NEMP2: variants seen among roughly 807,000 people sequenced by gnomAD.
NEMP2 encodes nuclear envelope integral membrane protein 2, also known as UPF0571 transmembrane protein.
In NEMP2, 53 loss-of-function variants were observed where a neutral mutation model predicts 54.2. The ratio of observed to expected loss-of-function variants is 0.98; its 90% confidence interval spans 0.78 to 1.23. NEMP2 has a LOEUF of 1.23. Ranked by LOEUF, NEMP2 falls within the 50% of genes most tolerant of loss-of-function variation. The pLI, the probability that NEMP2 is intolerant of heterozygous loss-of-function variation, is 0.00. For synonymous variants in NEMP2, 197 were observed against 190.3 expected (o/e 1.04, Z -0.29); for missense variants, 455 against 511.3 (o/e 0.89, Z 1.06).
At chr2:190,570,411 TA>T in the NEMP2 span, among the ~76,000 whole-genome samples, 8 of 152,206 alleles carry the variant, frequency 5.3e-5, no homozygotes, top group Admixed American at 5.2e-4. The surrounding 1 kb of genome is among the most constrained non-coding windows in gnomAD (Gnocchi z 5.4). Flanking sequence ...TTCCTTCCTG[TA>T]AAAAGAACTC....
the NEMP2 span, among the ~76,000 whole-genome samples, chr2:190,604,145 C>G: frequency 6.6e-6 from 1 of 152,176 alleles, no homozygotes. The surrounding 1 kb of genome is among the most constrained non-coding windows in gnomAD (Gnocchi z 4.5). Context: ...TCGATAGGTG[C>G]CTCCTTCCTT....
the NEMP2 span, among the ~76,000 whole-genome samples, chr2:190,481,166 C>T: frequency 6.6e-6 from 1 of 152,204 alleles, no homozygotes; most frequent in Non-Finnish European, 1.5e-5. Context: ...ACATTAAACT[C>T]CCTGGGTTTT....
Position 190,523,652 on chromosome 2 carries a change from C to T in NEMP2, c.213+1611G>A, listed in dbSNP as rs781495212. 5.9e-5 allele frequency among the ~76,000 whole-genome samples: 9 copies of T among 152,132 alleles called. No individual in the cohort carries two copies. The highest frequency in any genetic ancestry group is 1.2e-4 in the Non-Finnish European group (8 of 68,036). On this transcript the variant is annotated intron_variant, in intron 2 of 8. Coordinates refer to ENST00000409150, the MANE Select transcript of NEMP2 (RefSeq NM_001142645.2). This position sits in a 1 kb window ranked among gnomAD's most constrained non-coding sequence, Gnocchi z 5.3. ...CCAGAGCTAAGTCTATGAAATTACA[C>T]ACGCCTAGAACATCTTGTTTGTTAG... is the stretch of plus-strand genomic sequence containing the variant.
chr2:190,596,685 A>G, the NEMP2 span, among the ~76,000 whole-genome samples: 1 of 152,308 alleles, frequency 6.6e-6, no homozygotes, highest in South Asian at 2.1e-4. The surrounding 1 kb of genome is among the most constrained non-coding windows in gnomAD (Gnocchi z 5.1). Context: ...ATTGGAAGGA[A>G]ACTATCAAGA....
the NEMP2 span, among the ~76,000 whole-genome samples, chr2:190,637,285 G>A: frequency 6.6e-6 from 1 of 152,158 alleles, no homozygotes; most frequent in South Asian, 2.1e-4. This position sits in a 1 kb window ranked among gnomAD's most constrained non-coding sequence, Gnocchi z 4.5. Flanking sequence ...CACTTCAGAA[G>A]CCCCCTTGTT....
the NEMP2 span, among the ~76,000 whole-genome samples, chr2:190,476,867 T>C: frequency 6.6e-6 from 1 of 152,050 alleles, no homozygotes; most frequent in Non-Finnish European, 1.5e-5. Context: ...TGGAGTACTA[T>C]GCAGCCATAA....
At chr2:190,534,526 A>T in intron 1 of NEMP2, 33 bp downstream of exon 1, 1 of 1,375,930 alleles carries the variant, frequency 7.3e-7, no homozygotes, top group Non-Finnish European at 9.3e-7. Flanking sequence ...GCGAGCACGC[A>T]CGCGCGCGCC....
At chr2:190,430,955 G>C in the NEMP2 span, among the ~76,000 whole-genome samples, 1 of 149,424 alleles carries the variant, frequency 6.7e-6, no homozygotes, top group African/African-American at 2.5e-5. Context: ...AGACGGGGCG[G>C]CTGCTGGGTG....
At chr2:190,439,220 A>T in the NEMP2 span, among the ~76,000 whole-genome samples, 1 of 151,962 alleles carries the variant, frequency 6.6e-6, no homozygotes, top group Non-Finnish European at 1.5e-5. This position sits in a 1 kb window ranked among gnomAD's most constrained non-coding sequence, Gnocchi z 5.8. Flanking sequence ...AATCACTGTT[A>T]TTCATTCCCA....
At chr2:190,639,274 G>C in the NEMP2 span, among the ~76,000 whole-genome samples, 1 of 151,986 alleles carries the variant, frequency 6.6e-6, no homozygotes, top group Non-Finnish European at 1.5e-5. Context: ...TATGCCTTGA[G>C]GGTCTACCAT....
At chr2:190,561,336 A>C in the NEMP2 span, among the ~76,000 whole-genome samples, 5 of 152,316 alleles carry the variant, frequency 3.3e-5, no homozygotes, top group East Asian at 3.9e-4. This position sits in a 1 kb window ranked among gnomAD's most constrained non-coding sequence, Gnocchi z 5.4. Flanking sequence ...AACTATGTGT[A>C]TTGGCCTGCT....
the NEMP2 span, among the ~76,000 whole-genome samples, chr2:190,474,392 C>T: frequency 1.3e-4 from 20 of 152,180 alleles, no homozygotes; most frequent in East Asian, 1.3e-3. Context: ...ATATCACCAC[C>T]GATCCCACAG....
At chr2:190,468,399 T>A in the NEMP2 span, among the ~76,000 whole-genome samples, 1 of 152,146 alleles carries the variant, frequency 6.6e-6, no homozygotes, top group Non-Finnish European at 1.5e-5. Flanking sequence ...TCTGAGAGCA[T>A]TTCCCTTTGT....
chr2:190,422,397 T>G, the NEMP2 span, among the ~76,000 whole-genome samples: 18 of 152,278 alleles, frequency 1.2e-4, no homozygotes, highest in African/African-American at 4.3e-4. Context: ...CTGTATCCCT[T>G]GTCTGTCTTT....
the NEMP2 span, among the ~76,000 whole-genome samples, chr2:190,466,692 G>A: frequency 5.9e-5 from 9 of 152,214 alleles, no homozygotes; most frequent in African/African-American, 2.2e-4. Flanking sequence ...TGAGGAAACT[G>A]AGGCTCAGAG....
Position 190,504,930 on chromosome 2 carries a change from G to A in NEMP2, c.*4259C>T, listed in dbSNP as rs1559151384. 6.6e-6 allele frequency: 1 copy of A among 152,126 alleles called. No individual in the cohort carries two copies. The highest frequency in any genetic ancestry group is 1.5e-5 in the Non-Finnish European group (1 of 68,024). The allele number at this position is 152,126 out of a possible 1,614,324, so 9.4% of individuals were successfully genotyped here. On this transcript the variant is annotated 3_prime_UTR_variant, in exon 9 of 9. Coordinates refer to ENST00000409150, the MANE Select transcript of NEMP2 (RefSeq NM_001142645.2). The surrounding 1 kb of genome is among the most constrained non-coding windows in gnomAD (Gnocchi z 5.6). ...TGGCAAGTTGACATTGTCATGACAT[G>A]ATCATCGTGCTTATATTCTGTATGT... is the stretch of plus-strand genomic sequence containing the variant.
chr2:190,433,857 A>G, the NEMP2 span, among the ~76,000 whole-genome samples: 1 of 152,182 alleles, frequency 6.6e-6, no homozygotes, highest in Non-Finnish European at 1.5e-5. This position sits in a 1 kb window ranked among gnomAD's most constrained non-coding sequence, Gnocchi z 4.5. Context: ...GATCTATTCC[A>G]AGGGGTAGCA....
the NEMP2 span, among the ~76,000 whole-genome samples, chr2:190,627,531 T>G: frequency 4.0e-5 from 6 of 151,732 alleles, no homozygotes; most frequent in Non-Finnish European, 7.4e-5. The surrounding 1 kb of genome is among the most constrained non-coding windows in gnomAD (Gnocchi z 4.4). Context: ...ACTTAACAAG[T>G]AATAACATAT....
the NEMP2 span, among the ~76,000 whole-genome samples, chr2:190,470,729 T>C: frequency 6.6e-6 from 1 of 152,224 alleles, no homozygotes; most frequent in East Asian, 1.9e-4. Flanking sequence ...TTAATTGTCA[T>C]GATGAAAGAT....
Sources: gnomAD v4.1 joint callset for allele counts (sites outside exome capture counted in the v4.1 genomes callset) on GRCh38, gnomAD v4.1.1 for gene constraint, Gnocchi (gnomAD v3.1) non-coding constraint, MANE v1.5 for transcripts, NCBI Gene and HGNC (gene_info 2026-07-23, HGNC 2026-07-21) for gene names.